The following HS3ST4 variants were observed in gnomAD, a reference collection of about 807,000 sequenced individuals.
HS3ST4 encodes the protein heparan sulfate-glucosamine 3-sulfotransferase 4.
In HS3ST4, 17 loss-of-function variants were observed where a neutral mutation model predicts 29.2. That is an observed-to-expected ratio of 0.58 (90% confidence interval 0.40 to 0.87). The LOEUF (loss-of-function observed/expected upper bound fraction) is 0.87, where lower values mean the gene tolerates loss of function less well. Ranked by LOEUF, HS3ST4 falls within the 40% of genes least tolerant of loss-of-function variation. HS3ST4 has a pLI of 0.00. For synonymous variants in HS3ST4, 314 were observed against 285.7 expected (o/e 1.10, Z -1.00); for missense variants, 627 against 634.5 (o/e 0.99, Z 0.13).
intron 1 of HS3ST4, among the ~76,000 whole-genome samples, chr16:25,892,931 C>T (rs867808847): frequency 1.3e-5 from 2 of 152,036 alleles, no homozygotes; most frequent in Non-Finnish European, 1.5e-5. Context: ...AATAAGTAGA[C>T]AAATGAAAGC....
Position 26,092,875 on chromosome 16 carries a change from C to T in HS3ST4, c.735-42737C>T, listed in dbSNP as rs138551642. On this transcript the variant is annotated intron_variant, in intron 1 of 1. Transcript: ENST00000331351. Reference sequence around the variant, plus strand: ...ACAGACTGTACCTGGAAAAACGGGACACTCCCACTCAAATACTGCACTTTT... The same window carrying T: ...ACAGACTGTACCTGGAAAAACGGGATACTCCCACTCAAATACTGCACTTTT... Among the ~76,000 whole-genome samples the T allele has an allele frequency of 1.0e-3, 159 of 152,228 alleles. No individual in the cohort carries two copies. The East Asian group carries it at 0.012, about 11-fold the overall frequency.
intron 1 of HS3ST4, among the ~76,000 whole-genome samples, chr16:26,007,824 A>G (rs1038649508): frequency 1.2e-4 from 18 of 152,066 alleles, no homozygotes; most frequent in Admixed American, 6.6e-4. Context: ...CTGCTTCACC[A>G]TACAGCCTTT....
At chr16:25,814,097 G>C (rs770794538) in intron 1 of HS3ST4, among the ~76,000 whole-genome samples, 20 of 152,282 alleles carry the variant, frequency 1.3e-4, no homozygotes, top group South Asian at 4.1e-4. Context: ...GGTCCAAAAG[G>C]GGGAAGAAGG....
intron 1 of HS3ST4, among the ~76,000 whole-genome samples, chr16:25,834,626 T>C (rs1285017563): frequency 6.6e-6 from 1 of 152,152 alleles, no homozygotes; most frequent in Non-Finnish European, 1.5e-5. Context: ...AGTTGCATAT[T>C]GTGTAGGGAT....
In HS3ST4 at chr16:25,799,660, A is replaced by G. The variant is rs1035727262; in HGVS notation, c.734+106509A>G. ...ACTCACTACTTTGGTGGTCTTGGGC[A>G]TATGATTGAGACTCTCACATGTTTC... On this transcript the variant is annotated intron_variant, in intron 1 of 1. Coordinates refer to ENST00000331351, the MANE Select transcript of HS3ST4 (RefSeq NM_006040.3). Among the ~76,000 whole-genome samples the G allele has an allele frequency of 5.9e-5, 9 of 152,326 alleles. No homozygotes were observed. In the East Asian group the frequency reaches 1.7e-3, roughly 29 times the overall value.
chr16:26,045,455 A>C (rs2141761613), intron 1 of HS3ST4, among the ~76,000 whole-genome samples: 1 of 152,280 alleles, frequency 6.6e-6, no homozygotes, highest in African/African-American at 2.4e-5. Context: ...ATCCCTTGGG[A>C]TTCGGTTTGG....
chr16:25,967,263 C>T (rs1050980907), intron 1 of HS3ST4, among the ~76,000 whole-genome samples: 2 of 152,124 alleles, frequency 1.3e-5, no homozygotes, highest in South Asian at 2.1e-4. Context: ...AAGTGGTTCT[C>T]CTGCCTCAGT....
chr16:25,755,912 G>A (rs1037484787), intron 1 of HS3ST4, among the ~76,000 whole-genome samples: 4 of 152,112 alleles, frequency 2.6e-5, no homozygotes, highest in Non-Finnish European at 5.9e-5. Context: ...AAAGAGGAAA[G>A]TGAAATATTT....
At chr16:25,849,045 A>G (rs1313994312) in intron 1 of HS3ST4, among the ~76,000 whole-genome samples, 1 of 152,144 alleles carries the variant, frequency 6.6e-6, no homozygotes, top group Non-Finnish European at 1.5e-5. Context: ...AAACTGTTTT[A>G]AATTTCCAAA....
chr16:25,969,505 C>T (rs938110981), intron 1 of HS3ST4, among the ~76,000 whole-genome samples: 1 of 152,208 alleles, frequency 6.6e-6, no homozygotes, highest in Non-Finnish European at 1.5e-5. Context: ...CATTGCGAAA[C>T]AGTCAGTGAA....
chr16:26,033,200 A>C (rs2141754547), intron 1 of HS3ST4, among the ~76,000 whole-genome samples: 1 of 151,888 alleles, frequency 6.6e-6, no homozygotes, highest in Admixed American at 6.6e-5. Flanking sequence ...GCAACATAGC[A>C]CAGTTCCCAT....
chr16:25,912,011 C>T (rs539294892), intron 1 of HS3ST4, among the ~76,000 whole-genome samples: 1 of 152,208 alleles, frequency 6.6e-6, no homozygotes, highest in South Asian at 2.1e-4. Context: ...TTCTTAGAGA[C>T]CAGAAAGCGT....
At chr16:26,083,953 T>C (rs970752692) in intron 1 of HS3ST4, among the ~76,000 whole-genome samples, 7 of 152,138 alleles carry the variant, frequency 4.6e-5, no homozygotes, top group African/African-American at 1.2e-4. Flanking sequence ...GAGAAAATTA[T>C]AGAATTACAG....
chr16:26,066,569 T>G (rs113427198), intron 1 of HS3ST4, among the ~76,000 whole-genome samples: 99 of 152,286 alleles, frequency 6.5e-4, no homozygotes, highest in African/African-American at 2.4e-3. Flanking sequence ...CATCTACTCA[T>G]TCTCTGAGCA....
chr16:25,983,519 G>A (rs1969030356), intron 1 of HS3ST4, among the ~76,000 whole-genome samples: 1 of 152,060 alleles, frequency 6.6e-6, no homozygotes, highest in African/African-American at 2.4e-5. Flanking sequence ...TCTTCCTTGG[G>A]TAGTCATTCT....
intron 1 of HS3ST4, among the ~76,000 whole-genome samples, chr16:26,039,597 C>G (rs1313340557): frequency 1.3e-5 from 2 of 152,130 alleles, no homozygotes; most frequent in East Asian, 3.8e-4. Context: ...TACAAACAAT[C>G]CAATTACACT....
intron 1 of HS3ST4, among the ~76,000 whole-genome samples, chr16:26,043,592 G>T (rs762229864): frequency 6.6e-6 from 1 of 152,138 alleles, no homozygotes; most frequent in Non-Finnish European, 1.5e-5. Context: ...TCGGGTATCA[G>T]ACACAGCTTC....
intron 1 of HS3ST4, among the ~76,000 whole-genome samples, chr16:25,716,432 C>T (rs981014459): frequency 9.2e-5 from 14 of 152,134 alleles, no homozygotes; most frequent in Non-Finnish European, 1.8e-4. Context: ...TGAGGAAGCT[C>T]CCCTCTTTGC....
intron 1 of HS3ST4, among the ~76,000 whole-genome samples, chr16:25,822,732 A>G (rs566132560): frequency 1.7e-4 from 26 of 150,870 alleles, no homozygotes; most frequent in Admixed American, 7.3e-4. Flanking sequence ...TTCCCCCAGG[A>G]TTACTTTTTT....
Sources: gnomAD v4.1 joint callset for allele counts (sites outside exome capture counted in the v4.1 genomes callset) on GRCh38, gnomAD v4.1.1 for gene constraint, MANE v1.5 for transcripts, NCBI Gene and HGNC (gene_info 2026-07-23, HGNC 2026-07-21) for gene names.